PITPNC1: variants seen among roughly 807,000 people sequenced by gnomAD.
PITPNC1 encodes the protein phosphatidylinositol transfer protein cytoplasmic 1.
A neutral mutation model predicts 44.7 loss-of-function variants in PITPNC1; 18 were observed. The ratio of observed to expected loss-of-function variants is 0.40; its 90% CI spans 0.28 to 0.60. PITPNC1 has a LOEUF of 0.60. PITPNC1 is among the 20% of genes least tolerant of loss of function. The probability of loss-of-function intolerance (pLI) is 0.39; values close to 1 mark genes in which losing one functional copy is unlikely to be tolerated. For missense variants in PITPNC1, 290 were observed against 418.4 expected, an observed-to-expected ratio of 0.69 and a Z score of 2.68; for synonymous variants, 141 against 149.6, an observed-to-expected ratio of 0.94 and a Z score of 0.42.
intron 1 of PITPNC1, among the ~76,000 whole-genome samples, chr17:67,384,995 G>C (rs183289213): frequency 9.1e-4 from 138 of 152,320 alleles, no homozygotes; most frequent in Non-Finnish European, 1.7e-3. Flanking sequence ...ATTTTGAGAG[G>C]TTGTTTTATT....
chr17:67,638,714 TCCCTCAGGG>T (rs2042059986), intron 6 of PITPNC1: 2 of 152,114 alleles, frequency 1.3e-5, no homozygotes, highest in Admixed American at 1.3e-4. Flanking sequence ...GGCAAATTTG[TCCCTCAGGG>T]CCATCTGGCA....
intron 2 of PITPNC1, among the ~76,000 whole-genome samples, chr17:67,533,579 C>A (rs1311969386): frequency 2.0e-5 from 3 of 152,210 alleles, no homozygotes; most frequent in Non-Finnish European, 2.9e-5. Flanking sequence ...ACGGTGCTGC[C>A]TATATGCTGT....
At chr17:67,408,721 CCTTCCTTCCTTT>C (rs1444775211) in intron 1 of PITPNC1, 17 of 99,010 alleles carry the variant, frequency 1.7e-4, no homozygotes, top group Middle Eastern at 0.015. Flanking sequence ...TTCCTTCCTT[CCTTCCTTCCTTT>C]CTTTCTTTCT....
intron 1 of PITPNC1, among the ~76,000 whole-genome samples, chr17:67,495,687 A>G (rs1318381664): frequency 2.8e-4 from 43 of 152,206 alleles, no homozygotes; most frequent in Non-Finnish European, 7.3e-5. Flanking sequence ...CTACAGCTCC[A>G]TCCATGTTCT....
chr17:67,414,098 G>GAA lies in PITPNC1; in HGVS notation c.48+35908_48+35909dup, dbSNP rs200463268. 8.8e-3 allele frequency among the ~76,000 whole-genome samples: 1,284 copies of GAA among 145,378 alleles called. 5 individuals carry two copies. The highest frequency in any genetic ancestry group is 0.012 in the African/African-American group (490 of 39,794). ...AATAAAAGGGAAATGAGTTTGAACT[G>GAA]AAAAAAAAAAAAATAGAGAGAATGG... On this transcript the variant is annotated intron_variant, in intron 1 of 8. Coordinates refer to ENST00000581322, the MANE Select transcript of PITPNC1 (RefSeq NM_012417.4).
intron 1 of PITPNC1, among the ~76,000 whole-genome samples, chr17:67,417,110 G>A (rs1237874724): frequency 4.0e-5 from 6 of 150,992 alleles, no homozygotes; most frequent in Middle Eastern, 3.4e-3. Flanking sequence ...CACCACGCCC[G>A]GCCAACATTC....
rs543558155 is a variant in PITPNC1 at position 67,473,806 on chromosome 17, G to C, written c.49-58996G>C. ...GGTATCCTGTTTCCCCTTAAAGTTT[G>C]CCCATGAACTTAACATTCCTCAGTG... On this transcript the variant is annotated intron_variant, in intron 1 of 8. Coordinates refer to ENST00000581322, the MANE Select transcript of PITPNC1 (RefSeq NM_012417.4). Among the ~76,000 whole-genome samples, 3 of 152,186 alleles carry C rather than the reference G, an allele frequency of 2.0e-5. No homozygotes were observed. In the South Asian group the frequency reaches 6.2e-4, roughly 32 times the overall value.
chr17:67,384,614 A>G (rs2038014223), intron 1 of PITPNC1, among the ~76,000 whole-genome samples: 1 of 151,876 alleles, frequency 6.6e-6, no homozygotes, highest in Non-Finnish European at 1.5e-5. Flanking sequence ...TTTAGTAGAG[A>G]CGGGGTTTCA....
intron 5 of PITPNC1, among the ~76,000 whole-genome samples, chr17:67,625,031 A>AT (rs2041879516): frequency 6.6e-6 from 1 of 152,112 alleles, no homozygotes; most frequent in South Asian, 2.1e-4. Flanking sequence ...ATTTAAAGGA[A>AT]TTTTTCCTAC....
intron 1 of PITPNC1, among the ~76,000 whole-genome samples, chr17:67,413,092 T>G (rs2038528550): frequency 6.6e-6 from 1 of 152,240 alleles, no homozygotes; most frequent in Admixed American, 6.5e-5. Context: ...TGTTCCTCTT[T>G]TTCTGATATG....
chr17:67,692,837 T>A lies in PITPNC1; in HGVS notation c.948T>A (p.Asn316Lys). 1 of 1,613,794 alleles carries A rather than the reference T, an allele frequency of 6.2e-7. No homozygotes were observed. Among genetic ancestry groups the A allele is most frequent in the East Asian group, 2.2e-5 (1 of 44,884 alleles). The change falls in exon 9 of 9, where the codon AAT (asparagine) becomes AAA (lysine). Residue 316 changes from asparagine to lysine, a missense_variant. Coordinates refer to ENST00000581322, the MANE Select transcript of PITPNC1 (RefSeq NM_012417.4). Reference sequence around the variant, plus strand: ...ACCCTGAGAAAAAAGCCACCCTGAATTTACCCGGCATGCACTCTTCAGATA... The same window carrying A: ...ACCCTGAGAAAAAAGCCACCCTGAAATTACCCGGCATGCACTCTTCAGATA... ...LPDPEKKATL[N>K]LPGMHSSDKP...
At chr17:67,513,132 G>A (rs1161189919) in intron 1 of PITPNC1, among the ~76,000 whole-genome samples, 1 of 152,130 alleles carries the variant, frequency 6.6e-6, no homozygotes, top group Non-Finnish European at 1.5e-5. Context: ...GGGAGGCCGA[G>A]GCAGATGGAT....
At chr17:67,424,871 C>A (rs925775060) in intron 1 of PITPNC1, among the ~76,000 whole-genome samples, 4 of 151,892 alleles carry the variant, frequency 2.6e-5, no homozygotes, top group Non-Finnish European at 5.9e-5. Context: ...ATCCAGATGG[C>A]CTGAAGCAAC....
At chr17:67,549,462 G>A (rs1772507662) in intron 2 of PITPNC1, among the ~76,000 whole-genome samples, 1 of 152,222 alleles carries the variant, frequency 6.6e-6, no homozygotes, top group African/African-American at 2.4e-5. Context: ...AAAGGTCATT[G>A]ATTATCGTGC....
chr17:67,408,863 CACTACGTTTGG>C (rs879391886), intron 1 of PITPNC1: 10 of 152,022 alleles, frequency 6.6e-5, no homozygotes, highest in Admixed American at 2.0e-4. Flanking sequence ...TGAGATAACT[CACTACGTTTGG>C]ACCAGCCTTC....
intron 1 of PITPNC1, among the ~76,000 whole-genome samples, chr17:67,531,224 C>A (rs1314493584): frequency 1.3e-5 from 2 of 152,214 alleles, no homozygotes; most frequent in Non-Finnish European, 2.9e-5. Context: ...GCCCGTGTGA[C>A]AGAGTGAGAC....
At chr17:67,683,320 G>A (rs2042748657) in intron 8 of PITPNC1, among the ~76,000 whole-genome samples, 1 of 152,082 alleles carries the variant, frequency 6.6e-6, no homozygotes, top group South Asian at 2.1e-4. Flanking sequence ...CTGTCATTGG[G>A]CACATGTAAC....
chr17:67,555,868 G>A (rs1245883992), intron 4 of PITPNC1, among the ~76,000 whole-genome samples: 1 of 151,850 alleles, frequency 6.6e-6, no homozygotes, highest in African/African-American at 2.4e-5. Flanking sequence ...AAAAAATTAA[G>A]TCAACGGTCA....
intron 5 of PITPNC1, among the ~76,000 whole-genome samples, chr17:67,582,357 T>C (rs1303388623): frequency 6.6e-6 from 1 of 152,210 alleles, no homozygotes; most frequent in Non-Finnish European, 1.5e-5. Flanking sequence ...TTGCACTTTC[T>C]GGGTGTACAC....
Sources: gnomAD v4.1 joint callset for allele counts (sites outside exome capture counted in the v4.1 genomes callset) on GRCh38, gnomAD v4.1.1 for gene constraint, MANE v1.5 for transcripts, NCBI Gene and HGNC (gene_info 2026-07-23, HGNC 2026-07-21) for gene names.